Variants in B3GALT1 observed in about 807,000 individuals in gnomAD.
B3GALT1 encodes the protein UDP-Gal:betaGlcNAc beta 1,3-galactosyltransferase, polypeptide 1.
In B3GALT1, 10 loss-of-function variants were observed where a neutral mutation model predicts 23.2. The ratio of observed to expected loss-of-function variants is 0.43; its 90% confidence interval spans 0.27 to 0.73. B3GALT1 has a LOEUF of 0.73. B3GALT1 is among the 30% of genes least tolerant of loss of function. The probability of loss-of-function intolerance (pLI) is 0.21; values close to 1 mark genes in which losing one functional copy is unlikely to be tolerated. For missense variants in B3GALT1, 299 were observed against 405.4 expected (o/e 0.74, Z 2.25); for synonymous variants, 156 against 141.5 (o/e 1.10, Z -0.73).
chr2:167,438,531 G>C (rs1698825656), intron 1 of B3GALT1, among the ~76,000 whole-genome samples: 1 of 152,170 alleles, frequency 6.6e-6, no homozygotes, highest in African/African-American at 2.4e-5. Context: ...ATATTTGGTG[G>C]AATTCCAAAA....
At chr2:167,427,169 C>T (rs1216857522) in intron 1 of B3GALT1, among the ~76,000 whole-genome samples, 1 of 152,134 alleles carries the variant, frequency 6.6e-6, no homozygotes, top group African/African-American at 2.4e-5. Context: ...GTAAGTTATA[C>T]AGAAGCAGCA....
At chr2:167,833,377 AAATT>A (rs1439797494) in intron 4 of B3GALT1, among the ~76,000 whole-genome samples, 2 of 152,200 alleles carry the variant, frequency 1.3e-5, no homozygotes, top group Non-Finnish European at 2.9e-5. Flanking sequence ...ACAGGCTAGG[AAATT>A]AATTTAACAA....
At chr2:167,331,097 G>A (rs571418002) in intron 1 of B3GALT1, among the ~76,000 whole-genome samples, 2 of 151,932 alleles carry the variant, frequency 1.3e-5, no homozygotes, top group Admixed American at 1.3e-4. Flanking sequence ...GATTTTTTTT[G>A]GGGGGGTATG....
intron 1 of B3GALT1, among the ~76,000 whole-genome samples, chr2:167,370,631 CTAAT>C (rs1697667433): frequency 6.6e-6 from 1 of 152,016 alleles, no homozygotes. Context: ...GTAGGTATAA[CTAAT>C]TGGTAATTTT....
chr2:167,492,801 A>G (rs915602109), intron 2 of B3GALT1, among the ~76,000 whole-genome samples: 1 of 152,112 alleles, frequency 6.6e-6, no homozygotes, highest in Non-Finnish European at 1.5e-5. Context: ...TTGTAATAAC[A>G]GTGATCAAGA....
chr2:167,316,678 T>G (rs1441799223), intron 1 of B3GALT1, among the ~76,000 whole-genome samples: 1 of 152,138 alleles, frequency 6.6e-6, no homozygotes, highest in African/African-American at 2.4e-5. Flanking sequence ...GTCTGAGGCA[T>G]GTTTTATGTT....
intron 2 of B3GALT1, among the ~76,000 whole-genome samples, chr2:167,558,500 G>C (rs573578415): frequency 6.6e-6 from 1 of 152,196 alleles, no homozygotes; most frequent in Non-Finnish European, 1.5e-5. Flanking sequence ...GAAGCAGGGC[G>C]AGGCATTGAC....
chr2:167,603,799 C>T (rs1027949773), intron 2 of B3GALT1, among the ~76,000 whole-genome samples: 7 of 152,106 alleles, frequency 4.6e-5, no homozygotes, highest in African/African-American at 1.4e-4. Context: ...ACGCAAGAGA[C>T]TGTCATCACA....
chr2:167,546,088 A>C (rs1683631665), intron 2 of B3GALT1, among the ~76,000 whole-genome samples: 1 of 152,086 alleles, frequency 6.6e-6, no homozygotes. Context: ...TGGATTTTGG[A>C]GCATTTTGAA....
At chr2:167,829,273 G>C (rs1399012597) in intron 4 of B3GALT1, among the ~76,000 whole-genome samples, 1 of 152,088 alleles carries the variant, frequency 6.6e-6, no homozygotes, top group Non-Finnish European at 1.5e-5. Flanking sequence ...CATGAGGTCA[G>C]GAGTTCGAGA....
intron 1 of B3GALT1, among the ~76,000 whole-genome samples, chr2:167,317,740 C>G (rs1042702274): frequency 1.1e-4 from 17 of 152,214 alleles, no homozygotes; most frequent in African/African-American, 4.1e-4. Flanking sequence ...GTCGCTGCTT[C>G]TTGTGCATGA....
chr2:167,357,582 C>T (rs958569588), intron 1 of B3GALT1, among the ~76,000 whole-genome samples: 4 of 152,054 alleles, frequency 2.6e-5, no homozygotes, highest in African/African-American at 9.7e-5. Flanking sequence ...GCCACTACAA[C>T]TTTGTGTCAA....
rs114724554 is a variant in B3GALT1 at position 167,437,665 on chromosome 2, C to T, written c.-510-52512C>T. The stretch of plus-strand genomic sequence containing the variant: ...GGCCCTGGCTCATCTGTTCAAACAG[C>T]TTATGGCTTTTTCTCTTCCTCTTTG... On this transcript the variant is annotated intron_variant, in intron 1 of 4. Transcript: ENST00000392690. Among the ~76,000 whole-genome samples, 680 of 152,262 alleles carry T rather than the reference C, an allele frequency of 4.5e-3. 11 individuals carry two copies. The highest frequency in any genetic ancestry group is 0.015 in the African/African-American group (635 of 41,546).
Position 167,351,955 on chromosome 2 carries a change from A to ATTTT in B3GALT1, c.-511+58641_-511+58644dup, listed in dbSNP as rs71031283. Among the ~76,000 whole-genome samples the ATTTT allele has an allele frequency of 1.4e-4, 19 of 134,306 alleles. 1 individual carries two copies. Among genetic ancestry groups the ATTTT allele is most frequent in the South Asian group, 9.5e-4 (4 of 4,222 alleles). 88.1% of individuals were successfully genotyped at this position (134,306 alleles called of 152,430 possible). The stretch of plus-strand genomic sequence containing the variant: ...CTGTGAAAGGAGAAGGCTGTTTTTG[A>ATTTT]TTTTTTTTTTTTTTTTTTTTTTTGA... On this transcript the variant is annotated intron_variant, in intron 1 of 4. Transcript: ENST00000392690.
At chr2:167,637,539 A>T (rs149760107) in intron 2 of B3GALT1, among the ~76,000 whole-genome samples, 1 of 152,128 alleles carries the variant, frequency 6.6e-6, no homozygotes, top group African/African-American at 2.4e-5. Flanking sequence ...CTATTTTGAA[A>T]TATACAATAC....
chr2:167,516,160 A>G (rs997897412), intron 2 of B3GALT1, among the ~76,000 whole-genome samples: 2 of 152,246 alleles, frequency 1.3e-5, no homozygotes, highest in Admixed American at 1.3e-4. Context: ...ATTCTGTTAG[A>G]AATGCTGCAA....
Position 167,822,786 on chromosome 2 carries a change from A to T in B3GALT1, c.-230+3993A>T, listed in dbSNP as rs577626214. ...CCTCCACATGCCTTTTCAGATGTCC[A>T]CAGTGAAAATTAAGCTCCTTCTTCC... is the stretch of plus-strand genomic sequence containing the variant. On this transcript the variant is annotated intron_variant, in intron 4 of 4. Coordinates refer to ENST00000392690, the MANE Select transcript of B3GALT1 (RefSeq NM_020981.4). 2.0e-5 allele frequency among the ~76,000 whole-genome samples: 3 copies of T among 152,160 alleles called. No homozygotes were observed. The South Asian group carries it at 6.2e-4, about 32-fold the overall frequency.
intron 3 of B3GALT1, among the ~76,000 whole-genome samples, chr2:167,813,546 CCTAA>C (rs1171018299): frequency 8.5e-5 from 13 of 152,148 alleles, no homozygotes; most frequent in African/African-American, 2.7e-4. Context: ...AAATTGATTG[CCTAA>C]CTAACTGATG....
In B3GALT1 at chr2:167,456,310, T is replaced by C. The variant is rs553325205; in HGVS notation, c.-510-33867T>C. ...AACTAATAAAGAACTCACTTATCAC[T>C]AAGGTGATGGAGCTAAGCCGTTCAT... On this transcript the variant is annotated intron_variant, in intron 1 of 4. Transcript: ENST00000392690. 2.0e-5 allele frequency among the ~76,000 whole-genome samples: 3 copies of C among 152,250 alleles called. No homozygotes were observed. The East Asian group carries it at 5.8e-4, about 29-fold the overall frequency.
Sources: allele counts gnomAD v4.1 joint callset (sites outside exome capture counted in the v4.1 genomes callset), GRCh38; gene constraint gnomAD v4.1.1; transcripts MANE v1.5; gene names NCBI Gene and HGNC (gene_info 2026-07-23, HGNC 2026-07-21).